HYDIN: variants seen among roughly 807,000 people sequenced by gnomAD.
HYDIN encodes axonemal central pair apparatus protein HYDIN.
Under a neutral mutation model 403.9 loss-of-function variants are expected in HYDIN, and 132 were observed. That is an observed-to-expected ratio of 0.33 (90% CI 0.28 to 0.38). The LOEUF is 0.38. HYDIN is among the 10% of genes least tolerant of loss of function. The pLI is 1.00. For synonymous variants in HYDIN, 1,202 were observed against 1,891.7 expected (o/e 0.64, Z 9.46); for missense variants, 2,827 against 5,009.5 (o/e 0.56, Z 13.15).
chr16:70,965,584 A>G (rs1406115894), intron 36 of HYDIN, among the ~76,000 whole-genome samples: 3 of 152,242 alleles, frequency 2.0e-5, no homozygotes, highest in African/African-American at 7.2e-5. Context: ...GTGTATTTAT[A>G]AGACACAGCA....
intron 23 of HYDIN, among the ~76,000 whole-genome samples, chr16:71,007,655 C>A (rs370642370): frequency 7.5e-6 from 1 of 133,388 alleles, no homozygotes; most frequent in South Asian, 2.4e-4. Context: ...AAAAATAACA[C>A]GCTGGTGAGG....
chr16:71,168,500 C>T (rs1382878576), intron 5 of HYDIN, among the ~76,000 whole-genome samples: 1 of 150,008 alleles, frequency 6.7e-6, no homozygotes, highest in East Asian at 1.9e-4. Context: ...AAAATCAGAG[C>T]AGTTTACACT....
At position 70,863,869 on chromosome 16, in the gene HYDIN, C is replaced by T. The variant is rs575159833; in HGVS notation, c.11472-687G>A. On this transcript the variant is annotated intron_variant, in intron 67 of 85. Transcript: ENST00000393567. ...ACTGGGCCACAGAGCGAGACTCTGTCGAAAGAAAAGAAAAGAAAAGAAAGG... is the reference window on the plus strand; with the variant it reads ...ACTGGGCCACAGAGCGAGACTCTGTTGAAAGAAAAGAAAAGAAAAGAAAGG... Among the ~76,000 whole-genome samples, 37 of 151,812 alleles carry T rather than the reference C, an allele frequency of 2.4e-4. No individual in the cohort carries two copies. The East Asian group carries it at 3.3e-3, about 14-fold the overall frequency.
At chr16:71,175,973 A>C in intron 4 of HYDIN, 1 of 540,090 alleles carries the variant, frequency 1.9e-6, no homozygotes, top group Non-Finnish European at 3.3e-6. Context: ...TATTTTTATT[A>C]TTATTACAAG....
chr16:70,930,460 G>T (rs931012999), intron 45 of HYDIN, among the ~76,000 whole-genome samples: 1 of 151,756 alleles, frequency 6.6e-6, no homozygotes, highest in Non-Finnish European at 1.5e-5. Flanking sequence ...CAGCCTAGGC[G>T]ACTGAGTGAG....
rs1555501877 is a variant in HYDIN, at chr16:71,178,430, A to ATATATATATATATATATATATGT, written c.381+497_381+498insACATATATATATATATATATATA. Among the ~76,000 whole-genome samples, 4 of 118,534 alleles carry ATATATATATATATATATATATGT rather than the reference A, an allele frequency of 3.4e-5. 1 individual carries two copies. 77.8% of individuals were successfully genotyped at this position (118,534 alleles called of 152,430 possible). A position where few individuals can be genotyped will look rare whatever the true frequency, so the allele number is the denominator to read the frequency against. On this transcript the variant is annotated intron_variant, in intron 4 of 85. Coordinates refer to ENST00000393567, the MANE Select transcript of HYDIN (RefSeq NM_001270974.2). ...GTGAAACTCTGTCTCAAAAAAAAAA[A>ATATATATATATATATATATATGT]AAAAATATATATATATATATATGTA... is the stretch of plus-strand genomic sequence containing the variant.
chr16:70,863,262 C>T, intron 67 of HYDIN, 80 bp from the exon 68 acceptor site: 1 of 1,326,642 alleles, frequency 7.5e-7, no homozygotes, highest in South Asian at 1.8e-5. Flanking sequence ...CTATACTGTA[C>T]TTAACCTTTT....
At chr16:71,168,954 T>G (rs1287127495) in intron 5 of HYDIN, among the ~76,000 whole-genome samples, 2 of 152,148 alleles carry the variant, frequency 1.3e-5, no homozygotes, top group Non-Finnish European at 2.9e-5. Context: ...TGGCAGTTCA[T>G]CAAAAAATTA....
At chr16:71,178,745 T>C (rs2086786089) in intron 4 of HYDIN, among the ~76,000 whole-genome samples, 183 bp downstream of exon 4, 1 of 152,174 alleles carries the variant, frequency 6.6e-6, no homozygotes, top group Non-Finnish European at 1.5e-5. Context: ...GGACTCAACA[T>C]ATAGCAACAA....
intron 75 of HYDIN, among the ~76,000 whole-genome samples, chr16:70,841,718 CT>C (rs1305900244): frequency 6.6e-6 from 1 of 152,108 alleles, no homozygotes; most frequent in East Asian, 1.9e-4. Flanking sequence ...CTCTCTCTTC[CT>C]CCTGCCCCAC....
chr16:71,183,495 TAACA>T (rs759796629), intron 3 of HYDIN, among the ~76,000 whole-genome samples: 1 of 152,108 alleles, frequency 6.6e-6, no homozygotes, highest in Non-Finnish European at 1.5e-5. Flanking sequence ...CTTTAAATAA[TAACA>T]AACAATCTTT....
intron 12 of HYDIN, among the ~76,000 whole-genome samples, chr16:71,081,406 T>C (rs1360997562): frequency 6.6e-6 from 1 of 151,320 alleles, no homozygotes; most frequent in Non-Finnish European, 1.5e-5. Flanking sequence ...TGGTTGGGAC[T>C]CAGCCAGGAA....
intron 71 of HYDIN, among the ~76,000 whole-genome samples, chr16:70,858,971 C>T (rs1183398425): frequency 6.6e-6 from 1 of 151,394 alleles, no homozygotes; most frequent in Non-Finnish European, 1.5e-5. Context: ...AAAAAATGAA[C>T]TAGCTACCAG....
At chr16:71,134,588 G>C (rs1214028629) in intron 8 of HYDIN, among the ~76,000 whole-genome samples, 2 of 152,260 alleles carry the variant, frequency 1.3e-5, no homozygotes, top group African/African-American at 4.8e-5. Flanking sequence ...CTTGACCCCT[G>C]ATGTGTGGCC....
intron 73 of HYDIN, among the ~76,000 whole-genome samples, chr16:70,851,738 T>G (rs1412549089): frequency 7.2e-6 from 1 of 138,100 alleles, no homozygotes; most frequent in Non-Finnish European, 1.5e-5. Flanking sequence ...CAAAGCAATC[T>G]CATAAAAAAC....
chr16:71,158,167 G>A (rs1046696088), intron 6 of HYDIN, among the ~76,000 whole-genome samples: 2 of 152,190 alleles, frequency 1.3e-5, no homozygotes, highest in Non-Finnish European at 2.9e-5. Context: ...GGGCAAACAA[G>A]CCCAGAGCTA....
chr16:70,877,751 G>A (rs1597198784), intron 62 of HYDIN, among the ~76,000 whole-genome samples: 2 of 152,102 alleles, frequency 1.3e-5, no homozygotes, highest in Non-Finnish European at 2.9e-5. Flanking sequence ...TTTTGCTCAT[G>A]AGTCTGTGGC....
intron 16 of HYDIN, 181 bp from the exon 17 acceptor site, chr16:71,062,514 T>C (rs1301171042): frequency 1.8e-6 from 1 of 547,302 alleles, no homozygotes; most frequent in East Asian, 3.0e-5. Context: ...AAGTGGGATG[T>C]GCGTGAGGCC....
Position 70,847,832 on chromosome 16 carries a change from G to T in HYDIN, c.12873+1894C>A, listed in dbSNP as rs528675251. Among the ~76,000 whole-genome samples, 9 of 151,976 alleles carry T rather than the reference G, an allele frequency of 5.9e-5. No homozygotes were observed. In the East Asian group the frequency reaches 9.6e-4, roughly 16 times the overall value. ...ATATTTAATTGTTTTCATTAAATTTGGGAAGTTTTAGGGTGTTATTTCTTG... is the reference window on the plus strand; with the variant it reads ...ATATTTAATTGTTTTCATTAAATTTTGGAAGTTTTAGGGTGTTATTTCTTG... On this transcript the variant is annotated intron_variant, in intron 75 of 85. Transcript: ENST00000393567.
Sources: allele counts gnomAD v4.1 joint callset (sites outside exome capture counted in the v4.1 genomes callset), GRCh38; gene constraint gnomAD v4.1.1; transcripts MANE v1.5; gene names NCBI Gene and HGNC (gene_info 2026-07-23, HGNC 2026-07-21).